The following ST3GAL3 variants were observed in gnomAD, a reference collection of about 807,000 sequenced individuals.
ST3GAL3 encodes the protein CMP-N-acetylneuraminate-beta-1,4-galactoside alpha-2,3-sialyltransferase.
A neutral mutation model predicts 50.1 loss-of-function variants in ST3GAL3; 21 were observed. The ratio of observed to expected loss-of-function variants is 0.42; its 90% CI spans 0.30 to 0.60. ST3GAL3 has a LOEUF of 0.60. ST3GAL3 is among the 20% of genes least tolerant of loss of function. The pLI is 0.19. For synonymous variants in ST3GAL3, 183 were observed against 190.0 expected, an observed-to-expected ratio of 0.96 and a Z score of 0.30; for missense variants, 353 against 489.4, an observed-to-expected ratio of 0.72 and a Z score of 2.63.
chr1:43,906,497 C>G (rs566050856), intron 9 of ST3GAL3, among the ~76,000 whole-genome samples: 2 of 123,238 alleles, frequency 1.6e-5, no homozygotes, highest in African/African-American at 6.2e-5. Flanking sequence ...CTCCCCTTCC[C>G]GCCACTCTTC....
intron 3 of ST3GAL3, among the ~76,000 whole-genome samples, chr1:43,806,411 G>A (rs2059892163): frequency 6.6e-6 from 1 of 152,070 alleles, no homozygotes; most frequent in Non-Finnish European, 1.5e-5. Context: ...CGTGAACCAA[G>A]CAACAGTGAA....
chr1:43,721,366 A>G (rs1248137236), intron 1 of ST3GAL3, among the ~76,000 whole-genome samples: 1 of 135,332 alleles, frequency 7.4e-6, no homozygotes, highest in Non-Finnish European at 1.5e-5. Context: ...GTGCAATGGC[A>G]TGACCTTGGC....
chr1:43,781,117 C>T (rs1699219871), intron 2 of ST3GAL3, among the ~76,000 whole-genome samples: 1 of 152,148 alleles, frequency 6.6e-6, no homozygotes, highest in African/African-American at 2.4e-5. Context: ...CTGACTTCCA[C>T]TTGTCTACTT....
intron 3 of ST3GAL3, among the ~76,000 whole-genome samples, chr1:43,796,786 G>A (rs1168611695): frequency 2.0e-5 from 3 of 152,196 alleles, no homozygotes; most frequent in Non-Finnish European, 4.4e-5. Flanking sequence ...TGACACAGAT[G>A]TTTGAATAAT....
intron 5 of ST3GAL3, among the ~76,000 whole-genome samples, chr1:43,870,255 G>T (rs539766447): frequency 3.3e-5 from 5 of 152,356 alleles, no homozygotes; most frequent in African/African-American, 1.2e-4. Context: ...TTAAGAGCGA[G>T]GTGGTGATAA....
At position 43,912,928 on chromosome 1, in the gene ST3GAL3, C is replaced by T. The variant is rs201845355; in HGVS notation, c.745-7476C>T. 11 of 152,452 alleles carry T rather than the reference C, an allele frequency of 7.2e-5. No homozygotes were observed. In the East Asian group the frequency reaches 2.1e-3, roughly 29 times the overall value. 9.4% of individuals were successfully genotyped at this position (152,452 alleles called of 1,614,324 possible). On this transcript the variant is annotated intron_variant, in intron 9 of 11. Transcript: ENST00000347631. Reference sequence around the variant, plus strand: ...AGCTGGCCTTGAGGAGAAGCTGGACCATGCCGGGCCAGCAGCACTGGCTGG... The same window carrying T: ...AGCTGGCCTTGAGGAGAAGCTGGACTATGCCGGGCCAGCAGCACTGGCTGG...
intron 5 of ST3GAL3, among the ~76,000 whole-genome samples, chr1:43,856,212 A>C (rs1384150951): frequency 6.6e-6 from 1 of 152,264 alleles, no homozygotes; most frequent in East Asian, 1.9e-4. Context: ...CAAAAAGGAC[A>C]TCTCTTATCA....
chr1:43,827,369 C>A (rs2062948411), intron 4 of ST3GAL3, among the ~76,000 whole-genome samples: 2 of 152,196 alleles, frequency 1.3e-5, no homozygotes, highest in South Asian at 4.1e-4. Context: ...AGGGATAAAT[C>A]TGATAAAATA....
intron 1 of ST3GAL3, among the ~76,000 whole-genome samples, chr1:43,717,696 T>G (rs1668075958): frequency 6.6e-6 from 1 of 151,662 alleles, no homozygotes; most frequent in African/African-American, 2.4e-5. Context: ...TTTGTAGAGA[T>G]GGGGTTTTGC....
intron 3 of ST3GAL3, among the ~76,000 whole-genome samples, chr1:43,813,903 GCACA>G (rs57672840): frequency 0.31 from 39,004 of 125,508 alleles, 5,710 homozygotes; most frequent in Non-Finnish European, 0.41. Flanking sequence ...ACGCACACAC[GCACA>G]CACACACACA....
rs1309512697 is a variant in ST3GAL3 at position 43,917,585 on chromosome 1, TTA to T, written c.745-2812_745-2811del. Reference sequence around the variant, plus strand: ...ATTATATTATATAATATATTACGTATTATATATAATATATATATTATATATTA... The same window carrying T: ...ATTATATTATATAATATATTACGTATTATATAATATATATATTATATATTA... On this transcript the variant is annotated intron_variant, in intron 9 of 11. Coordinates refer to ENST00000347631, the MANE Select transcript of ST3GAL3 (RefSeq NM_006279.5). Among the ~76,000 whole-genome samples the T allele has an allele frequency of 1.2e-3, 72 of 61,388 alleles. 1 individual carries two copies. Among genetic ancestry groups the T allele is most frequent in the East Asian group, 4.4e-3 (9 of 2,040 alleles). 40.3% of individuals were successfully genotyped at this position (61,388 alleles called of 152,430 possible).
chr1:43,779,775 ATGTTT>A (rs1698749233), intron 2 of ST3GAL3, among the ~76,000 whole-genome samples: 1 of 152,172 alleles, frequency 6.6e-6, no homozygotes, highest in Non-Finnish European at 1.5e-5. Flanking sequence ...TTTTCATTGT[ATGTTT>A]TGTTTTTCCT....
chr1:43,858,301 TG>T (rs1188280388), intron 5 of ST3GAL3: 5 of 1,275,690 alleles, frequency 3.9e-6, no homozygotes. Flanking sequence ...TGAACTATGC[TG>T]GGAAAGGTGG....
intron 11 of ST3GAL3, 52 bp from the exon 12 acceptor site, chr1:43,930,080 G>A: frequency 6.6e-7 from 1 of 1,518,864 alleles, no homozygotes; most frequent in Non-Finnish European, 9.1e-7. Context: ...CCTGGAAGGG[G>A]CAGTAAAGGT....
rs190934616 is a variant in ST3GAL3, at chr1:43,854,665, C to T, written c.302+16354C>T. Among the ~76,000 whole-genome samples, 9 of 152,336 alleles carry T rather than the reference C, an allele frequency of 5.9e-5. No homozygotes were observed. In the East Asian group the frequency reaches 1.7e-3, roughly 29 times the overall value. ...TCTCTAGACCCAAATACCCAACTTC[C>T]TGCTGGACAGCTCCACTTGGATGAC... On this transcript the variant is annotated intron_variant, in intron 5 of 11. Coordinates refer to ENST00000347631, the MANE Select transcript of ST3GAL3 (RefSeq NM_006279.5).
At chr1:43,894,568 T>G (rs759962940) in intron 6 of ST3GAL3, 91 bp downstream of exon 6, 1 of 1,144,420 alleles carries the variant, frequency 8.7e-7, no homozygotes, top group Non-Finnish European at 1.3e-6. Flanking sequence ...GAAGTCCCCA[T>G]GCTGAGAATC....
At chr1:43,730,571 C>CTTT (rs11318191) in intron 1 of ST3GAL3, among the ~76,000 whole-genome samples, 1 of 122,382 alleles carries the variant, frequency 8.2e-6, no homozygotes, top group Non-Finnish European at 1.7e-5. Context: ...TCTTTTCTTT[C>CTTT]TTTTTTTTTT....
intron 5 of ST3GAL3, among the ~76,000 whole-genome samples, chr1:43,862,140 G>T (rs1164301201): frequency 6.6e-6 from 1 of 152,180 alleles, no homozygotes; most frequent in African/African-American, 2.4e-5. Context: ...CTTGTGGCAG[G>T]CCTCTCCCCT....
At chr1:43,714,029 C>T (rs374850868) in intron 1 of ST3GAL3, among the ~76,000 whole-genome samples, 6 of 152,074 alleles carry the variant, frequency 3.9e-5, no homozygotes, top group East Asian at 1.9e-4. Flanking sequence ...TTTGGGAGGC[C>T]GAGGTGGGTG....
Sources: allele counts gnomAD v4.1 joint callset (sites outside exome capture counted in the v4.1 genomes callset), GRCh38; gene constraint gnomAD v4.1.1; transcripts MANE v1.5; gene names NCBI Gene and HGNC (gene_info 2026-07-23, HGNC 2026-07-21).